TUSC3: variants seen among roughly 807,000 people sequenced by gnomAD.
The protein encoded by TUSC3 is dolichyl-diphosphooligosaccharide--protein glycosyltransferase subunit TUSC3.
TUSC3 carries 45 observed loss-of-function variants against 44.8 expected under a neutral mutation model. The ratio of observed to expected loss-of-function variants is 1.00; its 90% CI spans 0.79 to 1.29. TUSC3 has a LOEUF of 1.29. Ranked by LOEUF, TUSC3 falls within the 50% of genes most tolerant of loss-of-function variation. The pLI, the probability that TUSC3 is intolerant of heterozygous loss-of-function variation, is 0.00. For missense variants in TUSC3, 519 were observed against 437.9 expected (o/e 1.19, Z -1.65); for synonymous variants, 212 against 152.9 (o/e 1.39, Z -2.85).
At chr8:15,476,770 C>T (rs933389593) in intron 1 of TUSC3, among the ~76,000 whole-genome samples, 1 of 152,188 alleles carries the variant, frequency 6.6e-6, no homozygotes, top group Admixed American at 6.5e-5. Flanking sequence ...TAAATACCCT[C>T]TAGAGGTTTC....
chr8:15,431,305 T>C (rs1212566305), intron 1 of TUSC3, among the ~76,000 whole-genome samples: 2 of 151,676 alleles, frequency 1.3e-5, no homozygotes, highest in Non-Finnish European at 2.9e-5. Flanking sequence ...TTTACCTATA[T>C]TCTTCCAATC....
At chr8:15,783,163 T>C in the TUSC3 span, among the ~76,000 whole-genome samples, 5 of 152,324 alleles carry the variant, frequency 3.3e-5, no homozygotes, top group East Asian at 9.6e-4. Context: ...GTGAAAGATC[T>C]GTTTACTGAA....
chr8:15,730,566 A>C (rs1400397766), intron 6 of TUSC3, 100 bp from the exon 7 acceptor site: 2 of 1,163,742 alleles, frequency 1.7e-6, no homozygotes, highest in African/African-American at 3.1e-5. Context: ...ATTAGTAAAA[A>C]TCGAATTAGA....
the TUSC3 span, among the ~76,000 whole-genome samples, chr8:15,828,951 T>C: frequency 5.9e-5 from 9 of 152,298 alleles, no homozygotes; most frequent in African/African-American, 1.9e-4. Flanking sequence ...TAAATGGCAC[T>C]TTCCTCTGTT....
At chr8:15,839,676 G>T in the TUSC3 span, among the ~76,000 whole-genome samples, 1 of 152,160 alleles carries the variant, frequency 6.6e-6, no homozygotes, top group Non-Finnish European at 1.5e-5. Flanking sequence ...ACCACAATGA[G>T]ATACCATCTC....
chr8:15,760,831 A>G (rs979235179), intron 10 of TUSC3, among the ~76,000 whole-genome samples: 1 of 152,194 alleles, frequency 6.6e-6, no homozygotes. Context: ...AGCACTGAAT[A>G]TGTTCCCATA....
chr8:15,728,022 G>C (rs1032320324), intron 6 of TUSC3, among the ~76,000 whole-genome samples: 1 of 152,118 alleles, frequency 6.6e-6, no homozygotes, highest in Non-Finnish European at 1.5e-5. Flanking sequence ...AAGTGTTATA[G>C]ATCAGTTTCA....
intron 5 of TUSC3, among the ~76,000 whole-genome samples, chr8:15,670,512 C>T (rs1169483011): frequency 6.6e-6 from 1 of 151,766 alleles, no homozygotes; most frequent in Non-Finnish European, 1.5e-5. Context: ...AGATGAATTT[C>T]AACTTTTACC....
At chr8:15,825,586 A>T in the TUSC3 span, among the ~76,000 whole-genome samples, 5 of 152,260 alleles carry the variant, frequency 3.3e-5, no homozygotes, top group African/African-American at 1.2e-4. Flanking sequence ...ACTGGCAACA[A>T]GATGCTGAGA....
chr8:15,519,269 C>A (rs1328431946), intron 2 of TUSC3, among the ~76,000 whole-genome samples: 1 of 152,132 alleles, frequency 6.6e-6, no homozygotes, highest in East Asian at 1.9e-4. Context: ...TTGAAACTTA[C>A]TAAAGTTGTA....
chr8:15,461,462 G>T (rs937672231), intron 1 of TUSC3, among the ~76,000 whole-genome samples: 20 of 151,994 alleles, frequency 1.3e-4, no homozygotes, highest in East Asian at 7.7e-4. Context: ...TGAAGTGAGC[G>T]ATCATATCAT....
chr8:15,494,597 G>A (rs1305005104), intron 2 of TUSC3, among the ~76,000 whole-genome samples: 6 of 152,294 alleles, frequency 3.9e-5, no homozygotes, highest in East Asian at 1.9e-4. Flanking sequence ...GATTAGAGGC[G>A]TGAGCCACCG....
Position 15,458,238 on chromosome 8 carries a change from CTT to C in TUSC3, n.92-25146_92-25145del, listed in dbSNP as rs531361560. 5.0e-3 allele frequency among the ~76,000 whole-genome samples: 765 copies of C among 152,150 alleles called. 3 individuals carry two copies. Among genetic ancestry groups the C allele is most frequent in the Middle Eastern group, 0.02 (6 of 294 alleles). ...GTTTATAAAGTGCTTACATATGCTT[CTT>C]TCTTTTTTTTCTTTTTAAGACAAGG... On this transcript the variant is annotated intron_variant and non_coding_transcript_variant, in intron 1 of 5. Transcript: ENST00000503191.
intron 7 of TUSC3, among the ~76,000 whole-genome samples, chr8:15,742,957 C>G (rs1444250576): frequency 6.6e-6 from 1 of 152,166 alleles, no homozygotes; most frequent in African/African-American, 2.4e-5. Flanking sequence ...TGATCTCATT[C>G]TTAAGGTATC....
At chr8:15,459,832 T>TTGTG (rs35529446) in intron 1 of TUSC3, among the ~76,000 whole-genome samples, 258 of 148,630 alleles carry the variant, frequency 1.7e-3, no homozygotes, top group East Asian at 0.015. Flanking sequence ...AGTATTCCAT[T>TTGTG]TGTGTGTGTG....
the TUSC3 span, among the ~76,000 whole-genome samples, chr8:15,773,969 C>G: frequency 6.6e-6 from 1 of 152,134 alleles, no homozygotes; most frequent in Non-Finnish European, 1.5e-5. Flanking sequence ...GGTGTGAACT[C>G]TTTTGACCTA....
chr8:15,793,287 A>G, the TUSC3 span, among the ~76,000 whole-genome samples: 1 of 152,110 alleles, frequency 6.6e-6, no homozygotes, highest in Non-Finnish European at 1.5e-5. Context: ...CCAAGTCCCT[A>G]CAATAACTAC....
chr8:15,623,127 A>G lies in TUSC3; in HGVS notation c.186A>G (p.Arg62=). The part of the protein sequence containing the change: ...KVEQLMEWSS[R]RSIFRMNGDK... ...AGCAGCTGATGGAATGGAGTTCCAG[A>G]CGCTCAATCTTCCGAATGAATGGTG... The change falls in exon 2 of 11, where the codon AGA becomes AGG. Residue 62 remains arginine, a synonymous_variant. Transcript: ENST00000503731. The G allele has an allele frequency of 6.2e-7, 1 of 1,613,978 alleles. No individual in the cohort carries two copies. The highest frequency in any genetic ancestry group is 8.5e-7 in the Non-Finnish European group (1 of 1,179,916).
intron 1 of TUSC3, among the ~76,000 whole-genome samples, chr8:15,448,482 T>C (rs1381100261): frequency 6.6e-6 from 1 of 152,180 alleles, no homozygotes; most frequent in Non-Finnish European, 1.5e-5. Context: ...TTGGAGATTT[T>C]ACCCTTTCAC....
Sources: gnomAD v4.1 joint callset for allele counts (sites outside exome capture counted in the v4.1 genomes callset) on GRCh38, gnomAD v4.1.1 for gene constraint, MANE v1.5 for transcripts, NCBI Gene and HGNC (gene_info 2026-07-23, HGNC 2026-07-21) for gene names.